Variants in CTNND2 observed in about 807,000 individuals in gnomAD.
CTNND2 encodes the protein catenin delta-2.
In CTNND2, 22 loss-of-function variants were observed where a neutral mutation model predicts 144.4. That is an observed-to-expected ratio of 0.15 (90% confidence interval 0.11 to 0.22). The LOEUF is 0.22. CTNND2 is among the 10% of genes least tolerant of loss of function. CTNND2 has a pLI of 1.00. For missense variants in CTNND2, 1,353 were observed against 1,618.8 expected (o/e 0.84, Z 2.82); for synonymous variants, 751 against 695.6 (o/e 1.08, Z -1.25).
intron 5 of CTNND2, among the ~76,000 whole-genome samples, chr5:11,404,345 C>T (rs921279262): frequency 4.5e-4 from 68 of 152,144 alleles, no homozygotes; most frequent in African/African-American, 1.4e-3. Flanking sequence ...AAGCCATTAT[C>T]GATCTGGCCC....
intron 9 of CTNND2, among the ~76,000 whole-genome samples, chr5:11,252,370 G>GT (rs1192342209): frequency 6.6e-6 from 1 of 152,160 alleles, no homozygotes; most frequent in South Asian, 2.1e-4. Context: ...AGAAACTGGG[G>GT]TGGGGGGGAG....
intron 15 of CTNND2, among the ~76,000 whole-genome samples, chr5:11,094,982 T>C (rs1247662390): frequency 6.6e-6 from 1 of 152,248 alleles, no homozygotes; most frequent in Non-Finnish European, 1.5e-5. Flanking sequence ...GCTGAACTAA[T>C]GCACAGATTT....
At chr5:11,060,915 T>C (rs10075868) in intron 16 of CTNND2, among the ~76,000 whole-genome samples, 3,576 of 152,312 alleles carry the variant, frequency 0.023, 150 homozygotes, top group African/African-American at 0.082. Context: ...CCTGTAGATG[T>C]TTCTGTACTT....
chr5:11,901,998 T>G (rs1297925985), intron 1 of CTNND2, among the ~76,000 whole-genome samples: 2 of 152,218 alleles, frequency 1.3e-5, no homozygotes, highest in African/African-American at 4.8e-5. Flanking sequence ...GTTCCCTGAA[T>G]GTGAATAAGG....
chr5:11,490,418 A>G (rs1177005163), intron 3 of CTNND2, among the ~76,000 whole-genome samples: 1 of 152,224 alleles, frequency 6.6e-6, no homozygotes, highest in Non-Finnish European at 1.5e-5. Flanking sequence ...TTGAATGTAC[A>G]TGTATATTTA....
intron 18 of CTNND2, among the ~76,000 whole-genome samples, chr5:11,009,811 T>C (rs1245433483): frequency 6.6e-6 from 1 of 152,246 alleles, no homozygotes; most frequent in Non-Finnish European, 1.5e-5. Context: ...GCCATGTGCA[T>C]TGATTTCCAC....
At chr5:11,370,783 G>C (rs1448160722) in intron 7 of CTNND2, among the ~76,000 whole-genome samples, 1 of 152,196 alleles carries the variant, frequency 6.6e-6, no homozygotes, top group African/African-American at 2.4e-5. Flanking sequence ...TATTTGCAAA[G>C]AAATGGAGGG....
At chr5:11,118,712 G>A (rs958447153) in intron 12 of CTNND2, among the ~76,000 whole-genome samples, 2 of 152,212 alleles carry the variant, frequency 1.3e-5, no homozygotes, top group Non-Finnish European at 2.9e-5. Flanking sequence ...CCTGGACGGA[G>A]TCTGGAGAAG....
chr5:11,614,061 G>A (rs141733612), intron 2 of CTNND2, among the ~76,000 whole-genome samples: 2,272 of 152,060 alleles, frequency 0.015, 63 homozygotes, highest in African/African-American at 0.052. Flanking sequence ...AAAAAATTTT[G>A]AAAATTCTTC....
At chr5:10,992,756 A>C in intron 18 of CTNND2, 79 bp from the exon 19 acceptor site, 1 of 1,545,912 alleles carries the variant, frequency 6.5e-7, no homozygotes, top group East Asian at 2.3e-5. Flanking sequence ...AGTTCCAAGT[A>C]TCTGGATTTG....
intron 7 of CTNND2, among the ~76,000 whole-genome samples, chr5:11,379,744 T>C (rs10061643): frequency 0.13 from 20,387 of 152,144 alleles, 2,774 homozygotes; most frequent in African/African-American, 0.33. Context: ...AAAGTGATTC[T>C]CTGCCCATTT....
At chr5:11,371,184 C>T (rs1757449578) in intron 7 of CTNND2, among the ~76,000 whole-genome samples, 1 of 152,174 alleles carries the variant, frequency 6.6e-6, no homozygotes, top group African/African-American at 2.4e-5. Flanking sequence ...GGTAGTCAGC[C>T]TGTACTCTAT....
intron 3 of CTNND2, among the ~76,000 whole-genome samples, chr5:11,428,606 G>A (rs779294718): frequency 4.6e-5 from 7 of 152,312 alleles, no homozygotes; most frequent in Middle Eastern, 6.8e-3. Context: ...GTTGCATTGG[G>A]AAGCTCTGTT....
At chr5:11,195,653 C>T (rs1447968392) in intron 11 of CTNND2, among the ~76,000 whole-genome samples, 1 of 152,186 alleles carries the variant, frequency 6.6e-6, no homozygotes, top group Admixed American at 6.5e-5. Flanking sequence ...AAGACACGTG[C>T]TTTCACCAAA....
At chr5:11,091,179 G>A (rs576449753) in intron 15 of CTNND2, among the ~76,000 whole-genome samples, 2 of 152,188 alleles carry the variant, frequency 1.3e-5, no homozygotes, top group African/African-American at 4.8e-5. Flanking sequence ...ACCCACAGAT[G>A]ATCTGTACCT....
chr5:11,771,119 G>C (rs1250283389), intron 1 of CTNND2, among the ~76,000 whole-genome samples: 1 of 150,352 alleles, frequency 6.7e-6, no homozygotes, highest in African/African-American at 2.5e-5. Flanking sequence ...AAAAGGAAAG[G>C]GGTCCAAATT....
At chr5:10,982,424 T>G (rs994998252) in intron 20 of CTNND2, among the ~76,000 whole-genome samples, 1 of 152,236 alleles carries the variant, frequency 6.6e-6, no homozygotes, top group African/African-American at 2.4e-5. Flanking sequence ...CTGGCTTGCC[T>G]GTCGTCTAGA....
At chr5:11,320,432 C>CAT (rs1420792942) in intron 9 of CTNND2, among the ~76,000 whole-genome samples, 1 of 152,128 alleles carries the variant, frequency 6.6e-6, no homozygotes, top group African/African-American at 2.4e-5. Flanking sequence ...AATAGTACAG[C>CAT]ATACCAAACA....
intron 2 of CTNND2, among the ~76,000 whole-genome samples, chr5:11,700,938 G>A (rs897314761): frequency 3.5e-4 from 53 of 152,274 alleles, no homozygotes; most frequent in African/African-American, 1.3e-3. Context: ...GACAGAACCC[G>A]TGCTAATTCG....
Sources: gnomAD v4.1 joint callset for allele counts (sites outside exome capture counted in the v4.1 genomes callset) on GRCh38, gnomAD v4.1.1 for gene constraint, MANE v1.5 for transcripts, NCBI Gene and HGNC (gene_info 2026-07-23, HGNC 2026-07-21) for gene names.